Variants in ZRANB3 observed in about 807,000 individuals in gnomAD.
The protein encoded by ZRANB3 is zinc finger RANBP2-type containing 3.
In ZRANB3, 125 loss-of-function variants were observed where a neutral mutation model predicts 133.8. That is an observed-to-expected ratio of 0.93 (90% CI 0.81 to 1.08). The LOEUF (loss-of-function observed/expected upper bound fraction) is 1.08, where lower values mean the gene tolerates loss of function less well. Ranked by LOEUF, ZRANB3 falls within the 50% of genes least tolerant of loss-of-function variation. ZRANB3 has a pLI of 0.00. For synonymous variants in ZRANB3, 387 were observed against 432.7 expected (o/e 0.89, Z 1.31); for missense variants, 1,229 against 1,275.5 (o/e 0.96, Z 0.56).
At position 135,320,177 on chromosome 2, in the gene ZRANB3, AC is replaced by A. The variant is rs1336995887; in HGVS notation, c.678-4648del. Among the ~76,000 whole-genome samples, 6 of 152,310 alleles carry A rather than the reference AC, an allele frequency of 3.9e-5. No individual in the cohort carries two copies. The East Asian group carries it at 1.2e-3, about 29-fold the overall frequency. On this transcript the variant is annotated intron_variant, in intron 6 of 20. Coordinates refer to ENST00000264159, the MANE Select transcript of ZRANB3 (RefSeq NM_032143.4). ...TGCTTCAGCGACCTGAGTAGCTGGG[AC>A]TACAGGCACATGCCACCAGGCCGAG...
intron 12 of ZRANB3, among the ~76,000 whole-genome samples, chr2:135,238,146 A>G (rs1695385248): frequency 6.6e-6 from 1 of 152,176 alleles, no homozygotes; most frequent in Non-Finnish European, 1.5e-5. Context: ...AATTAGCTAC[A>G]GTTAGGGCAA....
intron 2 of ZRANB3, among the ~76,000 whole-genome samples, chr2:135,496,463 C>T (rs1187405013): frequency 6.8e-6 from 1 of 146,054 alleles, no homozygotes; most frequent in Non-Finnish European, 1.5e-5. Flanking sequence ...AAGACATCTG[C>T]AAATACACTG....
At chr2:135,493,130 T>C (rs188592417) in intron 2 of ZRANB3, among the ~76,000 whole-genome samples, 1 of 37,014 alleles carries the variant, frequency 2.7e-5, no homozygotes, top group African/African-American at 2.0e-4. Flanking sequence ...TATATATATA[T>C]ATATATATAT....
At chr2:135,499,892 G>A (rs1223934599) in intron 2 of ZRANB3, among the ~76,000 whole-genome samples, 1 of 152,144 alleles carries the variant, frequency 6.6e-6, no homozygotes, top group Non-Finnish European at 1.5e-5. Flanking sequence ...TATGGTCACT[G>A]CAGACATAAT....
chr2:135,272,682 A>T (rs891161504), intron 9 of ZRANB3, among the ~76,000 whole-genome samples: 1 of 151,908 alleles, frequency 6.6e-6, no homozygotes, highest in African/African-American at 2.4e-5. Flanking sequence ...CCGGCTGGAA[A>T]ATAGAGCTTT....
At chr2:135,464,528 T>C (rs148239480) in intron 2 of ZRANB3, among the ~76,000 whole-genome samples, 5 of 152,288 alleles carry the variant, frequency 3.3e-5, no homozygotes, top group African/African-American at 1.2e-4. Flanking sequence ...CTTTAAAAAG[T>C]GAGAAATTTG....
chr2:135,242,798 T>C (rs1042706401), intron 12 of ZRANB3, among the ~76,000 whole-genome samples: 3 of 152,256 alleles, frequency 2.0e-5, no homozygotes, highest in Admixed American at 2.0e-4. Flanking sequence ...CCTTATTTAA[T>C]TATTAATTTC....
At chr2:135,372,507 C>T (rs1203567526) in intron 3 of ZRANB3, among the ~76,000 whole-genome samples, 1 of 151,986 alleles carries the variant, frequency 6.6e-6, no homozygotes, top group African/African-American at 2.4e-5. Flanking sequence ...GGTTAAAAGG[C>T]CAGGTGCTGG....
chr2:135,299,568 C>G (rs1458878522), intron 8 of ZRANB3, among the ~76,000 whole-genome samples: 1 of 152,160 alleles, frequency 6.6e-6, no homozygotes, highest in Non-Finnish European at 1.5e-5. Flanking sequence ...TGGCCCTTTC[C>G]CAGTTCCACT....
At chr2:135,462,388 G>C (rs532634843) in intron 2 of ZRANB3, among the ~76,000 whole-genome samples, 1 of 152,162 alleles carries the variant, frequency 6.6e-6, no homozygotes. Context: ...TAACTAAAAA[G>C]AGTAGACATA....
intron 9 of ZRANB3, among the ~76,000 whole-genome samples, chr2:135,274,605 T>C (rs1052166953): frequency 1.3e-5 from 2 of 152,072 alleles, no homozygotes; most frequent in African/African-American, 2.4e-5. Flanking sequence ...TTTTTTTAAA[T>C]TTTTTTAATT....
chr2:135,230,977 T>A, intron 12 of ZRANB3, 50 bp from the exon 13 acceptor site: 1 of 1,471,836 alleles, frequency 6.8e-7, no homozygotes, highest in Non-Finnish European at 9.0e-7. Context: ...TCTAATATGT[T>A]CTTCTTACAT....
At chr2:135,480,805 C>A (rs897126038) in intron 2 of ZRANB3, among the ~76,000 whole-genome samples, 4 of 131,512 alleles carry the variant, frequency 3.0e-5, no homozygotes, top group Admixed American at 8.0e-5. Context: ...TGATATTCCC[C>A]TTCCTGTGTC....
chr2:135,359,805 G>A (rs537122867), intron 3 of ZRANB3, among the ~76,000 whole-genome samples: 1 of 152,216 alleles, frequency 6.6e-6, no homozygotes, highest in Admixed American at 6.5e-5. Flanking sequence ...AGATTATGTA[G>A]TGAAATGACT....
chr2:135,339,579 C>G (rs1479834039), intron 6 of ZRANB3, among the ~76,000 whole-genome samples: 1 of 152,156 alleles, frequency 6.6e-6, no homozygotes, highest in Non-Finnish European at 1.5e-5. Flanking sequence ...AAGACCCTGT[C>G]TCAAAAAAAA....
intron 6 of ZRANB3, among the ~76,000 whole-genome samples, chr2:135,316,874 G>A (rs1176289255): frequency 1.3e-5 from 2 of 150,916 alleles, no homozygotes; most frequent in African/African-American, 2.4e-5. Context: ...GCTGAGGCAG[G>A]AGAATCGCTT....
chr2:135,346,719 A>G (rs1426012776), intron 5 of ZRANB3, among the ~76,000 whole-genome samples: 1 of 152,206 alleles, frequency 6.6e-6, no homozygotes, highest in East Asian at 1.9e-4. Context: ...TCATTTTTAC[A>G]GCTCTGATAG....
chr2:135,367,317 C>A (rs865810633), intron 3 of ZRANB3, among the ~76,000 whole-genome samples: 142 of 152,306 alleles, frequency 9.3e-4, no homozygotes, highest in African/African-American at 3.0e-3. Flanking sequence ...GGACTGGTGG[C>A]AGCCACGTCC....
chr2:135,321,172 G>C (rs921587580), intron 6 of ZRANB3, among the ~76,000 whole-genome samples: 2 of 152,168 alleles, frequency 1.3e-5, no homozygotes, highest in Non-Finnish European at 2.9e-5. Flanking sequence ...CCCAGCAGTA[G>C]GATTTCTGAT....
Sources: gnomAD v4.1 joint callset for allele counts (sites outside exome capture counted in the v4.1 genomes callset) on GRCh38, gnomAD v4.1.1 for gene constraint, MANE v1.5 for transcripts, NCBI Gene and HGNC (gene_info 2026-07-23, HGNC 2026-07-21) for gene names.